The following IQCM variants were observed in gnomAD, a reference collection of about 807,000 sequenced individuals.
The protein encoded by IQCM is IQ motif containing M.
IQCM carries 45 observed loss-of-function variants against 57.6 expected under a neutral mutation model. The observed-to-expected ratio is 0.78, with a 90% CI of 0.62 to 1.00. IQCM has a LOEUF of 1.00. Among genes scored for constraint, IQCM ranks in the 50% least tolerant of loss-of-function variants. The pLI, the probability that IQCM is intolerant of heterozygous loss-of-function variation, is 0.00. For synonymous variants in IQCM, 148 were observed against 158.9 expected, an observed-to-expected ratio of 0.93 and a Z score of 0.51; for missense variants, 468 against 511.6, an observed-to-expected ratio of 0.91 and a Z score of 0.82.
chr4:149,727,535 G>A lies in IQCM; in HGVS notation c.385+5709C>T, dbSNP rs142567727. Among the ~76,000 whole-genome samples the A allele has an allele frequency of 1.2e-3, 190 of 152,322 alleles. 1 individual carries two copies. Among genetic ancestry groups the A allele is most frequent in the African/African-American group, 4.3e-3 (179 of 41,586 alleles). On this transcript the variant is annotated intron_variant, in intron 5 of 13. Coordinates refer to ENST00000636793, the MANE Select transcript of IQCM (RefSeq NM_001363507.2). ...AAACAAGCAAGAAGGGAAAACTAAT[G>A]TGAAATTTTTTTCTGAGTTGACCAT...
intron 7 of IQCM, among the ~76,000 whole-genome samples, chr4:149,658,914 C>G (rs1213028350): frequency 6.6e-6 from 1 of 151,908 alleles, no homozygotes; most frequent in Non-Finnish European, 1.5e-5. Context: ...ATCATGTTGT[C>G]TTCAAACAGG....
intron 12 of IQCM, among the ~76,000 whole-genome samples, chr4:149,475,774 C>T (rs538376161): frequency 6.6e-6 from 1 of 152,190 alleles, no homozygotes; most frequent in East Asian, 1.9e-4. Context: ...GAACGATCAA[C>T]TTTGGGATAT....
chr4:149,588,137 C>T (rs1208126878), intron 8 of IQCM, 140 bp from the exon 9 acceptor site: 1 of 399,728 alleles, frequency 2.5e-6, no homozygotes, highest in Admixed American at 4.5e-5. Context: ...CATTTATATA[C>T]ATTTTTTAGT....
In IQCM at chr4:149,726,123, GA is replaced by G. The variant is rs745319364; in HGVS notation, c.385+7120del. ...AGAAAGAAAGAAAGAAAGAAAGAAA[GA>G]AAGAAAGAAAGAAAGAAAAGAAAGA... On this transcript the variant is annotated intron_variant, in intron 5 of 13. Transcript: ENST00000636793. Among the ~76,000 whole-genome samples, 403 of 145,952 alleles carry G rather than the reference GA, an allele frequency of 2.8e-3. 1 individual carries two copies. The highest frequency in any genetic ancestry group is 4.8e-3 in the Non-Finnish European group (318 of 65,724).
intron 13 of IQCM, among the ~76,000 whole-genome samples, chr4:149,424,768 T>C (rs768566632): frequency 1.3e-5 from 2 of 151,992 alleles, no homozygotes; most frequent in Non-Finnish European, 2.9e-5. Context: ...CCCCTATTGC[T>C]GGACATTTGC....
chr4:149,646,399 T>A (rs1045446935), intron 7 of IQCM, among the ~76,000 whole-genome samples: 1 of 152,114 alleles, frequency 6.6e-6, no homozygotes, highest in Non-Finnish European at 1.5e-5. Context: ...GGGTACAGCA[T>A]ATTTTTCCAG....
chr4:149,721,104 C>A (rs1765409653), intron 5 of IQCM, among the ~76,000 whole-genome samples: 1 of 151,894 alleles, frequency 6.6e-6, no homozygotes. Flanking sequence ...CAACTAATGG[C>A]AGGTTGAAAA....
intron 13 of IQCM, among the ~76,000 whole-genome samples, chr4:149,410,222 C>T (rs1733280713): frequency 6.6e-6 from 1 of 151,962 alleles, no homozygotes; most frequent in Admixed American, 6.6e-5. Context: ...AAAAACCCCA[C>T]AGTTCTCACA....
chr4:149,750,978 C>A (rs1768384181), intron 2 of IQCM, among the ~76,000 whole-genome samples: 1 of 152,040 alleles, frequency 6.6e-6, no homozygotes, highest in African/African-American at 2.4e-5. Flanking sequence ...TTTCTGTTTT[C>A]TTTTTTATCT....
At chr4:149,502,082 T>TATGGGTA (rs1743300329) in intron 12 of IQCM, among the ~76,000 whole-genome samples, 1 of 146,960 alleles carries the variant, frequency 6.8e-6, no homozygotes, top group African/African-American at 2.7e-5. Context: ...TCAAACCACT[T>TATGGGTA]ATGGGTAATT....
intron 13 of IQCM, among the ~76,000 whole-genome samples, chr4:149,370,124 C>A (rs1450640975): frequency 6.6e-6 from 1 of 152,156 alleles, no homozygotes. Context: ...AAGCTCCTGC[C>A]CTGAGGCAAT....
intron 7 of IQCM, among the ~76,000 whole-genome samples, chr4:149,623,502 A>G (rs1190981718): frequency 6.6e-6 from 1 of 152,204 alleles, no homozygotes; most frequent in Non-Finnish European, 1.5e-5. Flanking sequence ...GTAATCATTC[A>G]CATACTGATG....
chr4:149,506,016 C>T (rs1743777262), intron 12 of IQCM, among the ~76,000 whole-genome samples: 1 of 152,326 alleles, frequency 6.6e-6, no homozygotes, highest in East Asian at 1.9e-4. Context: ...GCCTGTGACT[C>T]TTACTTATCC....
intron 13 of IQCM, among the ~76,000 whole-genome samples, chr4:149,353,671 C>G (rs1202325790): frequency 1.3e-5 from 2 of 151,976 alleles, no homozygotes; most frequent in African/African-American, 4.8e-5. Flanking sequence ...GTGAAATAAG[C>G]CAGATACAGA....
At chr4:149,504,470 C>T (rs1743580701) in intron 12 of IQCM, among the ~76,000 whole-genome samples, 1 of 151,974 alleles carries the variant, frequency 6.6e-6, no homozygotes, top group East Asian at 1.9e-4. Context: ...ATCCCCACCG[C>T]CCAGCCCACA....
intron 2 of IQCM, among the ~76,000 whole-genome samples, chr4:149,784,425 G>GA (rs1362359668): frequency 6.6e-6 from 1 of 152,096 alleles, no homozygotes; most frequent in African/African-American, 2.4e-5. Context: ...CACCTTCTCT[G>GA]AAAAAAGTAA....
intron 3 of IQCM, among the ~76,000 whole-genome samples, chr4:149,740,269 G>A (rs1207020621): frequency 6.6e-6 from 1 of 152,086 alleles, no homozygotes; most frequent in South Asian, 2.1e-4. Flanking sequence ...TGTAACAAAA[G>A]CCCCACCTCA....
At chr4:149,364,816 C>A (rs1039673955) in intron 13 of IQCM, among the ~76,000 whole-genome samples, 1 of 152,014 alleles carries the variant, frequency 6.6e-6, no homozygotes, top group African/African-American at 2.4e-5. Flanking sequence ...AAACTCCATA[C>A]ACTGTGCAAC....
intron 13 of IQCM, among the ~76,000 whole-genome samples, chr4:149,357,183 A>G (rs896756309): frequency 8.5e-5 from 13 of 152,294 alleles, no homozygotes; most frequent in Non-Finnish European, 1.8e-4. Context: ...CAATCATGTC[A>G]TCTGCAAACA....
Sources: allele counts gnomAD v4.1 joint callset (sites outside exome capture counted in the v4.1 genomes callset), GRCh38; gene constraint gnomAD v4.1.1; transcripts MANE v1.5; gene names NCBI Gene and HGNC (gene_info 2026-07-23, HGNC 2026-07-21).